Variants in FRMD8 observed in about 807,000 individuals in gnomAD.
The protein encoded by FRMD8 is FERM domain-containing protein 8.
In FRMD8, 37 loss-of-function variants were observed where a neutral mutation model predicts 54.2. The ratio of observed to expected loss-of-function variants is 0.68; its 90% CI spans 0.53 to 0.90. The LOEUF is 0.90. FRMD8 is among the 40% of genes least tolerant of loss of function. The pLI is 0.00. For synonymous variants in FRMD8, 246 were observed against 286.9 expected (o/e 0.86, Z 1.44); for missense variants, 585 against 653.7 (o/e 0.89, Z 1.15).
upstream of FRMD8, among the ~76,000 whole-genome samples, chr11:65,384,020 G>A (rs1180944373): frequency 2.6e-5 from 4 of 152,096 alleles, no homozygotes; most frequent in Non-Finnish European, 5.9e-5. Context: ...AAGCCTCTCA[G>A]CTCTAAAGGC....
chr11:65,376,069 C>CA, the FRMD8 span: 2,499 of 107,752 alleles, frequency 0.023, 17 homozygotes, highest in African/African-American at 0.042. Context: ...GACTCCATCT[C>CA]AAAAAAAAAA....
chr11:65,379,476 G>A, the FRMD8 span: 16 of 1,614,004 alleles, frequency 9.9e-6, no homozygotes, highest in Middle Eastern at 1.6e-4. Flanking sequence ...CACCAGCAGG[G>A]TGTTGCTATA....
chr11:65,392,252 C>T (rs995150422), intron 3 of FRMD8, among the ~76,000 whole-genome samples: 2 of 152,070 alleles, frequency 1.3e-5, no homozygotes, highest in African/African-American at 4.8e-5. Context: ...CAAGGGGGCC[C>T]GTGTGGAGCT....
intron 2 of FRMD8, 167 bp downstream of exon 2, chr11:65,387,288 T>G: frequency 1.4e-6 from 1 of 725,912 alleles, no homozygotes; most frequent in South Asian, 1.5e-5. Flanking sequence ...GCTCTGTCAC[T>G]AGTTTACTGG....
At chr11:65,370,134 A>C in the FRMD8 span, among the ~76,000 whole-genome samples, 1 of 151,054 alleles carries the variant, frequency 6.6e-6, no homozygotes, top group Non-Finnish European at 1.5e-5. Context: ...AGGTGGGAGG[A>C]TACTTGAGCC....
At chr11:65,376,717 A>G in the FRMD8 span, 12 of 1,613,710 alleles carry the variant, frequency 7.4e-6, no homozygotes, top group Non-Finnish European at 1.0e-5. Flanking sequence ...GACCCAGAAC[A>G]GAGCATCCTC....
intron 9 of FRMD8, among the ~76,000 whole-genome samples, chr11:65,403,129 T>C (rs10128627): frequency 0.14 from 21,769 of 152,074 alleles, 1,852 homozygotes; most frequent in Admixed American, 0.26. Context: ...TCTCCCACCT[T>C]GGCCTCCCAA....
intron 10 of FRMD8, among the ~76,000 whole-genome samples, chr11:65,409,481 T>C (rs1318760728): frequency 6.6e-6 from 1 of 152,214 alleles, no homozygotes; most frequent in African/African-American, 2.4e-5. Context: ...GCTTGACTTT[T>C]TAAAATTAAC....
chr11:65,407,949 C>T (rs960704618), intron 10 of FRMD8, among the ~76,000 whole-genome samples: 5 of 151,252 alleles, frequency 3.3e-5, no homozygotes, highest in East Asian at 1.9e-4. Context: ...ATGAGGAGGG[C>T]GGGCCCAGCT....
rs765061540 is a variant in FRMD8, at chr11:65,411,288, C to G, written c.1323C>G (p.Phe441Leu). The G allele has an allele frequency of 6.2e-7, 1 of 1,609,760 alleles. No individual in the cohort carries two copies. Among genetic ancestry groups the G allele is most frequent in the Non-Finnish European group, 8.5e-7 (1 of 1,179,300 alleles). Residue 441 changes from phenylalanine to leucine, a missense_variant, in exon 11 of 11, where the codon TTC (phenylalanine) becomes TTG (leucine). Physicochemically the swap from Phe to Leu is conservative, Grantham distance 22 (BLOSUM62 0). Coordinates refer to ENST00000317568, the MANE Select transcript of FRMD8 (RefSeq NM_031904.5). ...AGCCGAAGCGCACCACATCCTTCTT[C>G]AGCCGGCAGCTGTCCTTGGGCCAGG... The part of the protein sequence containing the change: ...RVKPKRTTSF[F>L]SRQLSLGQGS...
intron 2 of FRMD8, among the ~76,000 whole-genome samples, chr11:65,387,942 T>C (rs1855766284): frequency 6.6e-6 from 1 of 151,992 alleles, no homozygotes; most frequent in South Asian, 2.1e-4. Flanking sequence ...GGCGGGTGGA[T>C]CACTTGAAGT....
At chr11:65,386,989 C>T in intron 1 of FRMD8, 48 bp from the exon 2 acceptor site, 1 of 1,526,536 alleles carries the variant, frequency 6.6e-7, no homozygotes, top group Non-Finnish European at 9.0e-7. Flanking sequence ...GACCTCCAGC[C>T]CCCCATCCCT....
chr11:65,397,422 T>C (rs1855981374), intron 7 of FRMD8, among the ~76,000 whole-genome samples: 3 of 152,188 alleles, frequency 2.0e-5, no homozygotes, highest in Admixed American at 2.0e-4. Context: ...GATGTTCTAG[T>C]GGAGAGAGAC....
rs1855790616 is a variant in FRMD8, at chr11:65,389,212, G to A, written c.86-149G>A. On this transcript the variant is annotated intron_variant, in intron 2 of 10. Transcript: ENST00000317568. The stretch of plus-strand genomic sequence containing the variant: ...CTGCTGGGGCTCTGCCTCTGGCGAG[G>A]ACTCTGTCTCAGGAGCGTAGCCCTG... The A allele has an allele frequency of 2.4e-5, 17 of 716,860 alleles. No homozygotes were observed. In the East Asian group the frequency reaches 4.2e-4, roughly 18 times the overall value. 44.4% of individuals were successfully genotyped at this position (716,860 alleles called of 1,614,324 possible).
chr11:65,384,580 C>T (rs1454761971), upstream of FRMD8, among the ~76,000 whole-genome samples: 1 of 152,100 alleles, frequency 6.6e-6, no homozygotes, highest in East Asian at 1.9e-4. Flanking sequence ...ACTCTCAGGA[C>T]GCATGAGAAT....
rs1381704647 is a variant in FRMD8 at position 65,401,349 on chromosome 11, TCCCTCCCCTGCC to T, written c.1071+483_1071+494del. ...CCCTCCCCAGCCTCCCTCCCCTGCCTCCCTCCCCTGCCTCCCTCCCCTGCTTCCCTCCCCAGC... is the reference window on the plus strand; with the variant it reads ...CCCTCCCCAGCCTCCCTCCCCTGCCTTCCCTCCCCTGCTTCCCTCCCCAGC... On this transcript the variant is annotated intron_variant, in intron 9 of 10. Coordinates refer to ENST00000317568, the MANE Select transcript of FRMD8 (RefSeq NM_031904.5). 2.4e-3 allele frequency among the ~76,000 whole-genome samples: 71 copies of T among 29,084 alleles called. 1 individual carries two copies. Among genetic ancestry groups the T allele is most frequent in the African/African-American group, 7.6e-3 (59 of 7,748 alleles). 19.1% of individuals were successfully genotyped at this position (29,084 alleles called of 152,430 possible). A position where few individuals can be genotyped will look rare whatever the true frequency, so the allele number is the denominator to read the frequency against.
In FRMD8 at chr11:65,387,067, C is replaced by A. The variant is rs762807697; in HGVS notation, c.31C>A (p.Pro11Thr). Reference protein sequence around the residue: MDGTEGSAGQPGPAERSHRSS... With the variant: MDGTEGSAGQTGPAERSHRSS... ...CGGGACAGAAGGCAGTGCCGGGCAG[C>A]CCGGCCCCGCTGAGCGATCCCACCG... The change falls in exon 2 of 11, where the codon CCC (proline) becomes ACC (threonine). Residue 11 changes from proline (P) to threonine (T), a missense_variant. Pro to Thr is a conservative substitution (Grantham distance 38). Coordinates refer to ENST00000317568, the MANE Select transcript of FRMD8 (RefSeq NM_031904.5). The A allele has an allele frequency of 3.7e-6, 6 of 1,609,186 alleles. No homozygotes were observed. Among genetic ancestry groups the A allele is most frequent in the Non-Finnish European group, 5.1e-6 (6 of 1,180,010 alleles).
At chr11:65,371,839 C>T in the FRMD8 span, among the ~76,000 whole-genome samples, 1 of 152,140 alleles carries the variant, frequency 6.6e-6, no homozygotes, top group South Asian at 2.1e-4. Context: ...TGGTCTCGAT[C>T]TCCTGACCTC....
At chr11:65,385,832 T>C (rs868795700), upstream of FRMD8, among the ~76,000 whole-genome samples, 7 of 151,912 alleles carry the variant, frequency 4.6e-5, no homozygotes, top group Non-Finnish European at 7.4e-5. Flanking sequence ...AGTCTCGCCG[T>C]CGCCCAGGCT....
Sources: gnomAD v4.1 joint callset for allele counts (sites outside exome capture counted in the v4.1 genomes callset) on GRCh38, gnomAD v4.1.1 for gene constraint, MANE v1.5 for transcripts, NCBI Gene and HGNC (gene_info 2026-07-23, HGNC 2026-07-21) for gene names.